The following SHOC1 variants were observed in gnomAD, a reference collection of about 807,000 sequenced individuals.
SHOC1 encodes the protein protein shortage in chiasmata 1 ortholog.
SHOC1 carries 136 observed loss-of-function variants against 179.2 expected under a neutral mutation model. That is an observed-to-expected ratio of 0.76 (90% confidence interval 0.66 to 0.87). The LOEUF (loss-of-function observed/expected upper bound fraction) is 0.87, where lower values mean the gene tolerates loss of function less well. SHOC1 is among the 40% of genes least tolerant of loss of function. The pLI, the probability that SHOC1 is intolerant of heterozygous loss-of-function variation, is 0.00. For missense variants in SHOC1, 1,538 were observed against 1,700.8 expected (o/e 0.90, Z 1.68); for synonymous variants, 489 against 586.6 (o/e 0.83, Z 2.41).
intron 3 of SHOC1, among the ~76,000 whole-genome samples, chr9:111,785,413 G>GA (rs1836226484): frequency 1.9e-5 from 1 of 51,518 alleles, no homozygotes; most frequent in Non-Finnish European, 3.9e-5. Flanking sequence ...TGTCTTTTAA[G>GA]TACTGTGTCC....
chr9:111,686,939 C>CTTTTTTTTTTTTT (rs10537471), intron 27 of SHOC1, 69 bp from the exon 28 acceptor site: 1 of 498,930 alleles, frequency 2.0e-6, no homozygotes. Flanking sequence ...TTTTCTTTTC[C>CTTTTTTTTTTTTT]TTTTTTTTTT....
intron 16 of SHOC1, among the ~76,000 whole-genome samples, chr9:111,716,573 TAGAGGC>T (rs574047059): frequency 1.1e-3 from 163 of 152,164 alleles, no homozygotes; most frequent in African/African-American, 3.6e-3. Flanking sequence ...GAATTTTTAG[TAGAGGC>T]AGGGTTTCAC....
intron 4 of SHOC1, among the ~76,000 whole-genome samples, chr9:111,777,998 C>T (rs566040094): frequency 1.3e-5 from 2 of 152,286 alleles, no homozygotes; most frequent in African/African-American, 4.8e-5. Context: ...TTAGTGCTTA[C>T]ATAGGTGCTG....
intron 13 of SHOC1, among the ~76,000 whole-genome samples, chr9:111,725,170 GTAATACTTTCAAT>G (rs374568604): frequency 6.6e-6 from 1 of 152,010 alleles, no homozygotes; most frequent in African/African-American, 2.4e-5. Flanking sequence ...CTATTTTCAA[GTAATACTTTCAAT>G]TAACCATAAC....
intron 4 of SHOC1, among the ~76,000 whole-genome samples, chr9:111,777,284 C>A (rs1270028633): frequency 6.6e-6 from 1 of 152,150 alleles, no homozygotes; most frequent in African/African-American, 2.4e-5. Context: ...ACTCCTAAAC[C>A]AAAATTTCTA....
intron 1 of SHOC1, 71 bp from the exon 2 acceptor site, chr9:111,791,525 A>C: frequency 3.3e-6 from 2 of 609,920 alleles, no homozygotes; most frequent in Non-Finnish European, 5.1e-6. Flanking sequence ...TCAATCACAA[A>C]ACTTTGGTTT....
At chr9:111,776,352 G>A (rs1393162118) in intron 4 of SHOC1, among the ~76,000 whole-genome samples, 3 of 152,078 alleles carry the variant, frequency 2.0e-5, no homozygotes, top group African/African-American at 7.2e-5. Flanking sequence ...TGTTATAATT[G>A]CTTGCTATTA....
chr9:111,722,556 C>T lies in SHOC1; in HGVS notation c.1984G>A (p.Glu662Lys), dbSNP rs145459356. The change falls in exon 15 of 28, where the codon GAA becomes AAA. Residue 662 changes from glutamate to lysine, a missense_variant. Transcript: ENST00000682961. ...TTTAAGATAGGAGAAGCTGCTGCTT[C>T]GAGGAGGCAAAATGCTTGGCACTGG... Reference protein sequence around the residue: ...DSQCQAFCLLEAAASPILKNL... With the variant: ...DSQCQAFCLLKAAASPILKNL... The T allele has an allele frequency of 2.4e-4, 393 of 1,604,124 alleles. No homozygotes were observed. Among genetic ancestry groups the T allele is most frequent in the Middle Eastern group, 3.3e-4 (2 of 6,054 alleles).
intron 17 of SHOC1, among the ~76,000 whole-genome samples, chr9:111,713,805 G>A (rs1832660257): frequency 6.6e-6 from 1 of 152,142 alleles, no homozygotes; most frequent in South Asian, 2.1e-4. Flanking sequence ...TATGCTTGAT[G>A]TAGGGTAGGC....
chr9:111,693,534 T>G (rs1831545047), intron 26 of SHOC1, among the ~76,000 whole-genome samples: 2 of 147,968 alleles, frequency 1.4e-5, no homozygotes, highest in African/African-American at 5.0e-5. Flanking sequence ...ACTTGGGAGG[T>G]GGAGGTTGCA....
intron 6 of SHOC1, 98 bp downstream of exon 6, chr9:111,758,597 C>CA (rs947609909): frequency 2.1e-3 from 2,438 of 1,188,658 alleles, no homozygotes; most frequent in South Asian, 2.5e-3. Context: ...CAAAACAAAA[C>CA]AAAAAAAAAC....
At chr9:111,774,547 C>T (rs1344965928) in intron 5 of SHOC1, among the ~76,000 whole-genome samples, 2 of 152,088 alleles carry the variant, frequency 1.3e-5, no homozygotes, top group Non-Finnish European at 2.9e-5. Flanking sequence ...TGATGTTCCA[C>T]TTTTTACGAG....
intron 2 of SHOC1, among the ~76,000 whole-genome samples, chr9:111,791,002 T>C (rs752522646): frequency 6.6e-6 from 1 of 152,216 alleles, no homozygotes; most frequent in Non-Finnish European, 1.5e-5. Context: ...CCAAAACTTT[T>C]TGAGTGCCAA....
At chr9:111,756,710 A>G (rs763830505) in intron 7 of SHOC1, among the ~76,000 whole-genome samples, 15 of 152,242 alleles carry the variant, frequency 9.9e-5, no homozygotes, top group Non-Finnish European at 1.8e-4. Context: ...CACTCATTAC[A>G]TTAGTGGTGT....
intron 12 of SHOC1, among the ~76,000 whole-genome samples, chr9:111,732,561 T>A (rs925362382): frequency 6.6e-6 from 1 of 152,076 alleles, no homozygotes. Context: ...CAATGAAAAA[T>A]TTTTTAACAA....
chr9:111,703,711 G>A (rs1270788526), intron 22 of SHOC1, among the ~76,000 whole-genome samples, 170 bp downstream of exon 22: 4 of 152,112 alleles, frequency 2.6e-5, no homozygotes, highest in Non-Finnish European at 5.9e-5. Flanking sequence ...CATCAGAGAA[G>A]TTTGATAATA....
At chr9:111,700,601 A>C (rs992975626) in intron 23 of SHOC1, among the ~76,000 whole-genome samples, 27 of 152,190 alleles carry the variant, frequency 1.8e-4, no homozygotes, top group Admixed American at 9.8e-4. Flanking sequence ...TATTATGAAG[A>C]AGTCCAGAGG....
chr9:111,702,248 G>A, intron 22 of SHOC1, 22 bp from the exon 23 acceptor site: 1 of 1,335,074 alleles, frequency 7.5e-7, no homozygotes, highest in African/African-American at 1.5e-5. Context: ...TAAAGAAAAT[G>A]TAAAAATTCA....
chr9:111,694,385 G>C, intron 24 of SHOC1, 23 bp from the exon 25 acceptor site: 1 of 1,560,760 alleles, frequency 6.4e-7, no homozygotes, highest in Middle Eastern at 1.7e-4. Context: ...TTTTATGTTA[G>C]ATTATAGGAA....
Sources: allele counts gnomAD v4.1 joint callset (sites outside exome capture counted in the v4.1 genomes callset), GRCh38; gene constraint gnomAD v4.1.1; transcripts MANE v1.5; gene names NCBI Gene and HGNC (gene_info 2026-07-23, HGNC 2026-07-21).